The following KIF5B variants were observed in gnomAD, a reference collection of about 807,000 sequenced individuals.
KIF5B encodes kinesin-1 heavy chain.
Under a neutral mutation model 132.8 loss-of-function variants are expected in KIF5B, and 49 were observed. The ratio of observed to expected loss-of-function variants is 0.37; its 90% CI spans 0.29 to 0.47. KIF5B has a LOEUF of 0.47. Ranked by LOEUF, KIF5B falls within the 20% of genes least tolerant of loss-of-function variation. The probability of loss-of-function intolerance (pLI) is 1.00; values close to 1 mark genes in which losing one functional copy is unlikely to be tolerated. For missense variants in KIF5B, 780 were observed against 1,144.0 expected (o/e 0.68, Z 4.59); for synonymous variants, 355 against 369.4 (o/e 0.96, Z 0.45).
At chr10:32,046,164 C>G (rs1841606485) in intron 2 of KIF5B, among the ~76,000 whole-genome samples, 1 of 152,090 alleles carries the variant, frequency 6.6e-6, no homozygotes, top group Non-Finnish European at 1.5e-5. Flanking sequence ...GGGCTTAAAG[C>G]TGGCGGCAAG....
At chr10:32,047,865 C>G (rs1398184572) in intron 2 of KIF5B, among the ~76,000 whole-genome samples, 1 of 152,162 alleles carries the variant, frequency 6.6e-6, no homozygotes, top group African/African-American at 2.4e-5. Context: ...TTTGATTAAA[C>G]AGATTTCTAC....
Position 32,027,613 on chromosome 10 carries a change from CTTTT to C in KIF5B, c.1725+811_1725+814del, listed in dbSNP as rs34452497. On this transcript the variant is annotated intron_variant, in intron 15 of 25. Coordinates refer to ENST00000302418, the MANE Select transcript of KIF5B (RefSeq NM_004521.3). Reference sequence around the variant, plus strand: ...TTATAAATTTATTCCCTGAGCTAATCTTTTTTTTTTTTTTTTTTCCAGATAGGGT... The same window carrying C: ...TTATAAATTTATTCCCTGAGCTAATCTTTTTTTTTTTTTTCCAGATAGGGT... Among the ~76,000 whole-genome samples the C allele has an allele frequency of 1.3e-3, 173 of 134,968 alleles. 1 individual carries two copies. The highest frequency in any genetic ancestry group is 4.5e-3 in the African/African-American group (165 of 36,706). 88.5% of individuals were successfully genotyped at this position (134,968 alleles called of 152,430 possible).
At position 32,021,243 on chromosome 10, in the gene KIF5B, T is replaced by C. The variant is rs1251139668; in HGVS notation, c.2077A>G (p.Thr693Ala). 1 of 1,613,232 alleles carries C rather than the reference T, an allele frequency of 6.2e-7. No homozygotes were observed. Among genetic ancestry groups the C allele is most frequent in the South Asian group, 1.1e-5 (1 of 91,056 alleles). Residue 693 changes from threonine to alanine, a missense_variant, in exon 18 of 26, where the codon ACT becomes GCT. By Grantham distance (58) the Thr-to-Ala change is moderately conservative. Coordinates refer to ENST00000302418, the MANE Select transcript of KIF5B (RefSeq NM_004521.3). ...MEKEHLNKVQ[T>A]ANEVKQAVEQ... Reference sequence around the variant, plus strand: ...AAACTTGCCTTAACTTCATTTGCAGTCTGAACCTTATTTAAGTGCTCCTTT... The same window carrying C: ...AAACTTGCCTTAACTTCATTTGCAGCCTGAACCTTATTTAAGTGCTCCTTT...
At chr10:32,034,151 C>T in intron 11 of KIF5B, 113 bp from the exon 12 acceptor site, 1 of 637,708 alleles carries the variant, frequency 1.6e-6, no homozygotes, top group Non-Finnish European at 2.6e-6. Context: ...CAATCTGTCA[C>T]CCTGGCTGGA....
intron 14 of KIF5B, among the ~76,000 whole-genome samples, chr10:32,029,667 TA>T (rs1412904620): frequency 3.9e-5 from 6 of 152,194 alleles, no homozygotes; most frequent in African/African-American, 1.2e-4. Context: ...AAACAGATGC[TA>T]AACACTAGGG....
intron 12 of KIF5B, among the ~76,000 whole-genome samples, chr10:32,033,486 T>C (rs971748723): frequency 1.3e-5 from 2 of 152,160 alleles, no homozygotes; most frequent in Non-Finnish European, 2.9e-5. Flanking sequence ...TAATGCCTGA[T>C]AATCCAAGGT....
intron 1 of KIF5B, among the ~76,000 whole-genome samples, chr10:32,055,175 T>C (rs910707607): frequency 4.3e-4 from 65 of 151,560 alleles, no homozygotes; most frequent in Non-Finnish European, 6.9e-4. Flanking sequence ...AAACTGATCA[T>C]CCTGTTTCAA....
Position 32,017,341 on chromosome 10 carries a change from C to T in KIF5B, c.2563G>A (p.Asp855Asn), listed in dbSNP as rs746329885. The change falls in exon 24 of 26, where the codon GAT becomes AAT. Residue 855 changes from aspartate to asparagine, a missense_variant. Physicochemically the swap from Asp to Asn is conservative, Grantham distance 23. This residue lies in a region of KIF5B where 32 missense variants were observed against 71.1 expected (regional missense o/e 0.45). Coordinates refer to ENST00000302418, the MANE Select transcript of KIF5B (RefSeq NM_004521.3). ...AACTTAGGAAGTTCACAGCGGAGAT[C>T]TGCATTATCACGTACCAACTAAACG... is the stretch of plus-strand genomic sequence containing the variant. ...VHKQLVRDNA[D>N]LRCELPKLEK... 2 of 1,613,916 alleles carry T rather than the reference C, an allele frequency of 1.2e-6. No individual in the cohort carries two copies. The highest frequency in any genetic ancestry group is 1.7e-6 in the Non-Finnish European group (2 of 1,179,864).
intron 14 of KIF5B, among the ~76,000 whole-genome samples, chr10:32,029,068 T>A (rs1841366372): frequency 6.6e-6 from 1 of 152,198 alleles, no homozygotes; most frequent in Admixed American, 6.5e-5. Context: ...GGAGCTAGTG[T>A]TAAAGTAATA....
intron 2 of KIF5B, among the ~76,000 whole-genome samples, chr10:32,042,502 G>A (rs530412168): frequency 6.6e-6 from 1 of 152,116 alleles, no homozygotes; most frequent in East Asian, 1.9e-4. Context: ...ACTTACCAAT[G>A]AGTATTCGAT....
chr10:32,016,549 T>TG (rs762776133), intron 24 of KIF5B, among the ~76,000 whole-genome samples: 6 of 152,188 alleles, frequency 3.9e-5, no homozygotes, highest in Non-Finnish European at 8.8e-5. Context: ...TTTTTTGAGA[T>TG]GGAGTCTCGC....
rs1841761109 is a variant in KIF5B at position 32,056,191 on chromosome 10, T to C, written c.-218A>G. 1.9e-6 allele frequency: 1 copy of C among 524,078 alleles called. No individual in the cohort carries two copies. The highest frequency in any genetic ancestry group is 3.3e-6 in the Non-Finnish European group (1 of 304,878). 32.5% of individuals were successfully genotyped at this position (524,078 alleles called of 1,614,324 possible). ...CCTAATGCTCACTTCCGATCCATCA[T>C]GGCAGCCATGGCGGCGGCAGCGGCG... On this transcript the variant is annotated 5_prime_UTR_variant, in exon 1 of 26. An upstream start codon of the reference 5' UTR is lost. Coordinates refer to ENST00000302418, the MANE Select transcript of KIF5B (RefSeq NM_004521.3).
At position 32,011,125 on chromosome 10, in the gene KIF5B, AAAAC is replaced by A. The variant is rs1322946578; in HGVS notation, c.*408_*411del. On this transcript the variant is annotated 3_prime_UTR_variant, in exon 26 of 26. Transcript: ENST00000302418. ...AGGAAGACGTTTTAATAGGAAAAGA[AAAAC>A]AAGAAGCAGTAGCAGCTAGGTAATT... 6 of 152,536 alleles carry A rather than the reference AAAAC, an allele frequency of 3.9e-5. No individual in the cohort carries two copies. The highest frequency in any genetic ancestry group is 7.2e-5 in the African/African-American group (3 of 41,600). The allele number at this position is 152,536 out of a possible 1,614,324, so 9.4% of individuals were successfully genotyped here. A position where few individuals can be genotyped will look rare whatever the true frequency, so the allele number is the denominator to read the frequency against.
chr10:32,043,949 G>A (rs1169189694), intron 2 of KIF5B, among the ~76,000 whole-genome samples: 3 of 152,110 alleles, frequency 2.0e-5, no homozygotes, highest in African/African-American at 7.2e-5. Context: ...TCTAACCATG[G>A]CTTCTCATCC....
chr10:32,031,404 T>G (rs1841401045), intron 13 of KIF5B, 125 bp from the exon 14 acceptor site: 1 of 704,900 alleles, frequency 1.4e-6, no homozygotes, highest in Admixed American at 2.6e-5. Flanking sequence ...GTGGCAACAT[T>G]TATTCATTAA....
In KIF5B at chr10:32,019,921, C is replaced by G. The variant is rs760635450; in HGVS notation, c.2243G>C (p.Arg748Thr). The G allele has an allele frequency of 1.9e-6, 3 of 1,612,618 alleles. No homozygotes were observed. Among genetic ancestry groups the G allele is most frequent in the Non-Finnish European group, 2.5e-6 (3 of 1,179,566 alleles). Residue 748 changes from arginine to threonine, a missense_variant, in exon 20 of 26, where the codon AGA becomes ACA. Physicochemically the swap from Arg to Thr is moderately conservative, Grantham distance 71. Around this residue, in one of 9 missense-constraint regions of KIF5B, gnomAD observed 471 missense variants for 569.9 expected, o/e 0.83. Coordinates refer to ENST00000302418, the MANE Select transcript of KIF5B (RefSeq NM_004521.3). Reference sequence around the variant, plus strand: ...GGCTTTCAACTTCTCATGTTCTACTCTTAGACGTTCCTGCTCTAACATCAT... The same window carrying G: ...GGCTTTCAACTTCTCATGTTCTACTGTTAGACGTTCCTGCTCTAACATCAT... ...QKMMLEQERL[R>T]VEHEKLKATD... is the part of the protein sequence containing the mutation.
chr10:32,038,421 A>G (rs779135016), intron 5 of KIF5B, among the ~76,000 whole-genome samples: 1 of 152,174 alleles, frequency 6.6e-6, no homozygotes, highest in Non-Finnish European at 1.5e-5. Flanking sequence ...TTTTAGGACC[A>G]CTCCAACCTA....
chr10:32,056,096 C>T lies in KIF5B; in HGVS notation c.-123G>A, dbSNP rs567973816. ...TGAGAGGCAGCAGTCAGCTGCGCCG[C>T]GCTGCGCTTCCCCGGGTGGAGGCGG... On this transcript the variant is annotated 5_prime_UTR_variant, in exon 1 of 26. Transcript: ENST00000302418. 2.6e-5 allele frequency: 33 copies of T among 1,253,818 alleles called. 1 individual carries two copies. The South Asian group carries it at 3.8e-4, about 15-fold the overall frequency. 77.7% of individuals were successfully genotyped at this position (1,253,818 alleles called of 1,614,324 possible). A position where few individuals can be genotyped will look rare whatever the true frequency, so the allele number is the denominator to read the frequency against.
chr10:32,036,693 T>A (rs1841463638), intron 8 of KIF5B, among the ~76,000 whole-genome samples: 1 of 152,230 alleles, frequency 6.6e-6, no homozygotes, highest in Non-Finnish European at 1.5e-5. Context: ...TGTGTAAGAC[T>A]TCAGAGTAGA....
Sources: gnomAD v4.1 joint callset for allele counts (sites outside exome capture counted in the v4.1 genomes callset) on GRCh38, gnomAD v4.1.1 for gene constraint, gnomAD v4.1.1 regional missense constraint, MANE v1.5 for transcripts, NCBI Gene and HGNC (gene_info 2026-07-23, HGNC 2026-07-21) for gene names.